Variants in METTL8 observed in about 807,000 individuals in gnomAD.
METTL8 encodes the protein methyltransferase 8, tRNA N3-cytidine.
Under a neutral mutation model 48.7 loss-of-function variants are expected in METTL8, and 32 were observed. The ratio of observed to expected loss-of-function variants is 0.66; its 90% confidence interval spans 0.50 to 0.88. The LOEUF (loss-of-function observed/expected upper bound fraction) is 0.88, where lower values mean the gene tolerates loss of function less well. Ranked by LOEUF, METTL8 falls within the 40% of genes least tolerant of loss-of-function variation. The pLI, the probability that METTL8 is intolerant of heterozygous loss-of-function variation, is 0.00. For synonymous variants in METTL8, 136 were observed against 157.1 expected, an observed-to-expected ratio of 0.87 and a Z score of 1.01; for missense variants, 464 against 474.4, an observed-to-expected ratio of 0.98 and a Z score of 0.20.
rs757472686 is a variant in METTL8 at position 171,330,572 on chromosome 2, T to C, written c.847A>G (p.Ile283Val). ...GTCTTCATTTACCTGTCAGGATGAA[T>C]AGAAGAGAGCACAAAGACAAGGAGA... ...VILLVFVLSS[I>V]HPDRMQGVVN... The change falls in exon 7 of 10, where the codon ATT (isoleucine) becomes GTT (valine). Residue 283 changes from isoleucine to valine, a missense_variant. By Grantham distance (29) the Ile-to-Val change is conservative. Coordinates refer to ENST00000375258, the MANE Select transcript of METTL8 (RefSeq NM_001321154.2). 6 of 1,613,768 alleles carry C rather than the reference T, an allele frequency of 3.7e-6. No individual in the cohort carries two copies. The highest frequency in any genetic ancestry group is 2.2e-5 in the South Asian group (2 of 90,968).
chr2:171,338,418 A>G (rs1264732672), intron 4 of METTL8, among the ~76,000 whole-genome samples: 1 of 152,068 alleles, frequency 6.6e-6, no homozygotes, highest in African/African-American at 2.4e-5. Flanking sequence ...CGGGCGGATC[A>G]CCTGAGGCCA....
rs566007716 is a variant in METTL8, at chr2:171,414,760, A to T, written c.-13+19123T>A. ...AAAAAAAAAGGTTACTAAAACCCTA[A>T]ATTTATTGGTATGTGATATGGTTTG... On this transcript the variant is annotated intron_variant, in intron 1 of 9. Coordinates refer to ENST00000375258, the MANE Select transcript of METTL8 (RefSeq NM_001321154.2). The T allele has an allele frequency of 2.0e-5, 3 of 152,084 alleles. No homozygotes were observed. In the South Asian group the frequency reaches 6.2e-4, roughly 32 times the overall value. 9.4% of individuals were successfully genotyped at this position (152,084 alleles called of 1,614,324 possible). A position where few individuals can be genotyped will look rare whatever the true frequency, so the allele number is the denominator to read the frequency against.
chr2:171,434,716 C>CGGCCGGGGCGGGACGGAG, upstream of METTL8: 2 of 1,447,462 alleles, frequency 1.4e-6, no homozygotes, highest in Non-Finnish European at 1.8e-6. Context: ...GACCGCCAGC[C>CGGCCGGGGCGGGACGGAG]GGCCGGGGCG....
chr2:171,416,962 T>C (rs114749130), intron 1 of METTL8, among the ~76,000 whole-genome samples: 1 of 152,242 alleles, frequency 6.6e-6, no homozygotes, highest in Non-Finnish European at 1.5e-5. Flanking sequence ...CATCCCACTT[T>C]TGCTTCAAAT....
intron 5 of METTL8, among the ~76,000 whole-genome samples, chr2:171,336,693 A>C (rs995557644): frequency 1.3e-5 from 2 of 152,232 alleles, no homozygotes; most frequent in Non-Finnish European, 2.9e-5. Flanking sequence ...TTTGGCATGC[A>C]AACATCTTAC....
At chr2:171,336,558 C>G (rs545501062) in intron 5 of METTL8, among the ~76,000 whole-genome samples, 6 of 151,860 alleles carry the variant, frequency 4.0e-5, no homozygotes, top group African/African-American at 1.5e-4. Flanking sequence ...CCCGCCACCA[C>G]GCCTGGCTAA....
chr2:171,342,566 A>C (rs757799073), intron 3 of METTL8, among the ~76,000 whole-genome samples: 5 of 152,168 alleles, frequency 3.3e-5, no homozygotes, highest in Admixed American at 6.5e-5. Flanking sequence ...ATTATAAAAG[A>C]GTCAAATTTC....
chr2:171,359,849 C>G (rs1414910402), intron 3 of METTL8, among the ~76,000 whole-genome samples: 1 of 152,102 alleles, frequency 6.6e-6, no homozygotes, highest in Non-Finnish European at 1.5e-5. Context: ...CCTCGGCCAC[C>G]CAAAGTGCTG....
At chr2:171,423,164 A>G (rs1448683760) in intron 1 of METTL8, among the ~76,000 whole-genome samples, 1 of 152,194 alleles carries the variant, frequency 6.6e-6, no homozygotes, top group Non-Finnish European at 1.5e-5. Context: ...CCCTTCTGCC[A>G]TGATTGTAAG....
At chr2:171,375,159 G>A (rs1686822995) in intron 2 of METTL8, 2 of 1,469,498 alleles carry the variant, frequency 1.4e-6, no homozygotes, top group Non-Finnish European at 9.4e-7. Flanking sequence ...CGTTTCGAAT[G>A]ACGAATTTCT....
At chr2:171,416,345 T>A (rs919633973) in intron 1 of METTL8, among the ~76,000 whole-genome samples, 1 of 152,352 alleles carries the variant, frequency 6.6e-6, no homozygotes, top group East Asian at 1.9e-4. Flanking sequence ...TTCACCTTTG[T>A]ATTCTCCAGC....
At chr2:171,409,951 C>T (rs888615579) in intron 1 of METTL8, among the ~76,000 whole-genome samples, 2 of 152,090 alleles carry the variant, frequency 1.3e-5, no homozygotes, top group Non-Finnish European at 2.9e-5. Context: ...TAGAGCCAGA[C>T]TCCTCACCCA....
chr2:171,429,989 G>A (rs1163113010), intron 1 of METTL8, among the ~76,000 whole-genome samples: 1 of 150,500 alleles, frequency 6.6e-6, no homozygotes, highest in Non-Finnish European at 1.5e-5. Flanking sequence ...GCAGTGAGCC[G>A]AGATCACACC....
rs531980179 is a variant in METTL8 at position 171,346,984 on chromosome 2, G to A, written c.236-7430C>T. Among the ~76,000 whole-genome samples, 35 of 152,322 alleles carry A rather than the reference G, an allele frequency of 2.3e-4. No individual in the cohort carries two copies. In the South Asian group the frequency reaches 7.3e-3, roughly 32 times the overall value. Reference sequence around the variant, plus strand: ...TTCTTCCTTTACCACCCTCCGGGTAGCCTCAGTTATTGCTCTGTGTGCCCT... The same window carrying A: ...TTCTTCCTTTACCACCCTCCGGGTAACCTCAGTTATTGCTCTGTGTGCCCT... On this transcript the variant is annotated intron_variant, in intron 3 of 9. Transcript: ENST00000375258.
chr2:171,418,751 C>G (rs1165258360), intron 1 of METTL8, among the ~76,000 whole-genome samples: 1 of 152,010 alleles, frequency 6.6e-6, no homozygotes, highest in South Asian at 2.1e-4. Flanking sequence ...CTCAGGAGTT[C>G]AAGACCAGTC....
chr2:171,421,041 C>G lies in METTL8; in HGVS notation c.-13+12842G>C, dbSNP rs535923529. ...TCAACACTGCAATGGAGGTCTTGGC[C>G]AGGACAGTCAGAAAGGAAAGAGAAA... is the stretch of plus-strand genomic sequence containing the variant. On this transcript the variant is annotated intron_variant, in intron 1 of 9. Coordinates refer to ENST00000375258, the MANE Select transcript of METTL8 (RefSeq NM_001321154.2). Among the ~76,000 whole-genome samples the G allele has an allele frequency of 1.1e-4, 16 of 152,128 alleles. No individual in the cohort carries two copies. The South Asian group carries it at 3.1e-3, about 30-fold the overall frequency.
rs1417470736 is a variant in METTL8, at chr2:171,316,027, C to G, written c.*8145G>C. On this transcript the variant is annotated 3_prime_UTR_variant, in exon 10 of 10. Coordinates refer to ENST00000375258, the MANE Select transcript of METTL8 (RefSeq NM_001321154.2). Reference sequence around the variant, plus strand: ...GTGTGACGTAGTAGGTGAAAAACAGCAAAGAGGTAATTCTTTATTCTCGAG... The same window carrying G: ...GTGTGACGTAGTAGGTGAAAAACAGGAAAGAGGTAATTCTTTATTCTCGAG... 1.3e-5 allele frequency among the ~76,000 whole-genome samples: 2 copies of G among 152,188 alleles called. No individual in the cohort carries two copies. The highest frequency in any genetic ancestry group is 2.9e-5 in the Non-Finnish European group (2 of 68,032).
intron 3 of METTL8, among the ~76,000 whole-genome samples, chr2:171,350,059 C>G (rs1683720276): frequency 6.6e-6 from 1 of 152,044 alleles, no homozygotes; most frequent in African/African-American, 2.4e-5. Context: ...GTGTGCTGCA[C>G]CCATTAACTC....
intron 5 of METTL8, among the ~76,000 whole-genome samples, chr2:171,333,575 T>C (rs375871524): frequency 6.6e-6 from 1 of 152,246 alleles, no homozygotes; most frequent in Non-Finnish European, 1.5e-5. Context: ...TTAAAACTCA[T>C]ACTGCTTGGT....
Sources: allele counts gnomAD v4.1 joint callset (sites outside exome capture counted in the v4.1 genomes callset), GRCh38; gene constraint gnomAD v4.1.1; transcripts MANE v1.5; gene names NCBI Gene and HGNC (gene_info 2026-07-23, HGNC 2026-07-21).